Variants in PRKAR1B observed in about 807,000 individuals in gnomAD.
The protein encoded by PRKAR1B is protein kinase cAMP-dependent type I regulatory subunit beta.
In PRKAR1B, 22 loss-of-function variants were observed where a neutral mutation model predicts 46.5. The observed-to-expected ratio is 0.47, with a 90% CI of 0.34 to 0.68. PRKAR1B has a LOEUF of 0.68. Ranked by LOEUF, PRKAR1B falls within the 30% of genes least tolerant of loss-of-function variation. The probability of loss-of-function intolerance (pLI) is 0.01; values close to 1 mark genes in which losing one functional copy is unlikely to be tolerated. For missense variants in PRKAR1B, 445 were observed against 535.6 expected (o/e 0.83, Z 1.67); for synonymous variants, 259 against 217.7 (o/e 1.19, Z -1.67).
At chr7:680,334 G>A (rs1242488407) in intron 3 of PRKAR1B, among the ~76,000 whole-genome samples, 1 of 152,078 alleles carries the variant, frequency 6.6e-6, no homozygotes. Flanking sequence ...CCCACACAGA[G>A]CTGCTCCCAT....
At chr7:568,145 T>G (rs1177089089) in intron 9 of PRKAR1B, among the ~76,000 whole-genome samples, 1 of 152,152 alleles carries the variant, frequency 6.6e-6, no homozygotes, top group African/African-American at 2.4e-5. Context: ...CCTCACAGTC[T>G]CACCCATGCT....
intron 7 of PRKAR1B, among the ~76,000 whole-genome samples, chr7:595,706 C>G (rs1188702834): frequency 6.6e-6 from 1 of 152,178 alleles, no homozygotes; most frequent in Non-Finnish European, 1.5e-5. Flanking sequence ...CAGAGTAGAT[C>G]TGGCCACATA....
chr7:572,446 TG>T (rs1019319806), intron 9 of PRKAR1B, among the ~76,000 whole-genome samples: 1 of 151,942 alleles, frequency 6.6e-6, no homozygotes, highest in African/African-American at 2.4e-5. Context: ...TCTCGGGAGT[TG>T]GGGTTCCTGC....
chr7:719,844 T>C (rs556171577), intron 1 of PRKAR1B, among the ~76,000 whole-genome samples: 7 of 152,198 alleles, frequency 4.6e-5, no homozygotes, highest in South Asian at 2.1e-4. Context: ...TGTTACTTTA[T>C]GGATGTCATA....
At chr7:580,529 C>T (rs1473250727) in intron 8 of PRKAR1B, among the ~76,000 whole-genome samples, 1 of 152,170 alleles carries the variant, frequency 6.6e-6, no homozygotes, top group Non-Finnish European at 1.5e-5. Flanking sequence ...CATTAAGGCA[C>T]AGTATACGTT....
Position 690,057 on chromosome 7 carries a change from G to A in PRKAR1B, c.178-9331C>T, listed in dbSNP as rs1022637750. 2.6e-5 allele frequency among the ~76,000 whole-genome samples: 4 copies of A among 151,826 alleles called. No individual in the cohort carries two copies. The South Asian group carries it at 8.3e-4, about 32-fold the overall frequency. On this transcript the variant is annotated intron_variant, in intron 2 of 10. Transcript: ENST00000537384. ...CACGTCTGTAATCCCAGCACTTCGG[G>A]AGGCCAAGGCAGGAGGATCACTTGA...
chr7:635,264 C>T (rs1783980357), intron 4 of PRKAR1B, among the ~76,000 whole-genome samples: 1 of 152,238 alleles, frequency 6.6e-6, no homozygotes, highest in African/African-American at 2.4e-5. Context: ...CTGTGGGCCC[C>T]AAGGCCCAGC....
chr7:555,146 G>C (rs1426027031), intron 9 of PRKAR1B, among the ~76,000 whole-genome samples: 2 of 152,238 alleles, frequency 1.3e-5, no homozygotes, highest in African/African-American at 2.4e-5. Flanking sequence ...ATTGGCCAGA[G>C]AGGGTCTCAC....
chr7:597,156 AAAG>A (rs1781311756), intron 6 of PRKAR1B, among the ~76,000 whole-genome samples: 1 of 152,278 alleles, frequency 6.6e-6, no homozygotes, highest in Non-Finnish European at 1.5e-5. Flanking sequence ...CAATGAGCTT[AAAG>A]AATAGTTCCC....
intron 2 of PRKAR1B, among the ~76,000 whole-genome samples, chr7:693,355 C>G (rs1779545710): frequency 6.6e-6 from 1 of 152,004 alleles, no homozygotes; most frequent in South Asian, 2.1e-4. Flanking sequence ...CAACCACCAC[C>G]TCCATCCAGA....
At chr7:603,521 C>T (rs1781770888) in intron 6 of PRKAR1B, among the ~76,000 whole-genome samples, 1 of 152,188 alleles carries the variant, frequency 6.6e-6, no homozygotes, top group South Asian at 2.1e-4. Context: ...TCCTCCTCGT[C>T]ACAAGTGCCA....
At chr7:591,288 G>A (rs1780960734) in intron 7 of PRKAR1B, among the ~76,000 whole-genome samples, 1 of 152,256 alleles carries the variant, frequency 6.6e-6, no homozygotes, top group South Asian at 2.1e-4. Context: ...GGTGGGCACT[G>A]GGACCCCCAC....
At chr7:599,487 C>T (rs931842628) in intron 6 of PRKAR1B, among the ~76,000 whole-genome samples, 1 of 152,148 alleles carries the variant, frequency 6.6e-6, no homozygotes, top group African/African-American at 2.4e-5. Context: ...GGGGTTTCTC[C>T]ATGTTGGTCA....
chr7:674,621 A>C (rs1033599409), intron 4 of PRKAR1B, among the ~76,000 whole-genome samples: 1 of 151,198 alleles, frequency 6.6e-6, no homozygotes, highest in Non-Finnish European at 1.5e-5. Flanking sequence ...ACACCCAGCT[A>C]CTCCAGCAAC....
At chr7:613,852 C>T (rs1782660098) in intron 4 of PRKAR1B, among the ~76,000 whole-genome samples, 1 of 152,236 alleles carries the variant, frequency 6.6e-6, no homozygotes, top group South Asian at 2.1e-4. Flanking sequence ...AGAATGTTTC[C>T]AGAAACCCCT....
At chr7:552,725 C>T (rs888818585) in intron 9 of PRKAR1B, among the ~76,000 whole-genome samples, 3 of 152,340 alleles carry the variant, frequency 2.0e-5, no homozygotes, top group Middle Eastern at 3.4e-3. Flanking sequence ...GGAGGGGACG[C>T]GCTGGGACCT....
chr7:555,177 T>G (rs1778349834), intron 9 of PRKAR1B, among the ~76,000 whole-genome samples: 1 of 152,190 alleles, frequency 6.6e-6, no homozygotes, highest in Non-Finnish European at 1.5e-5. Context: ...AACCAGTTGC[T>G]GGGGAATATG....
Position 691,833 on chromosome 7 carries a change from A to C in PRKAR1B, c.178-11107T>G, listed in dbSNP as rs908427924. Reference sequence around the variant, plus strand: ...CCCCTGAACTCCCTGCCAAGTAAACACCTCATCACTCTCCGGTCACCATGA... The same window carrying C: ...CCCCTGAACTCCCTGCCAAGTAAACCCCTCATCACTCTCCGGTCACCATGA... On this transcript the variant is annotated intron_variant, in intron 2 of 10. Coordinates refer to ENST00000537384, the MANE Select transcript of PRKAR1B (RefSeq NM_001164760.2). The C allele has an allele frequency of 2.2e-5, 26 of 1,172,322 alleles. No homozygotes were observed. The Admixed American group carries it at 3.0e-4, about 14-fold the overall frequency. 72.6% of individuals were successfully genotyped at this position (1,172,322 alleles called of 1,614,324 possible).
intron 9 of PRKAR1B, among the ~76,000 whole-genome samples, chr7:569,988 TCCAGC>T (rs1217917288): frequency 2.0e-5 from 3 of 152,230 alleles, no homozygotes; most frequent in Non-Finnish European, 4.4e-5. Flanking sequence ...TTTCTTCCAG[TCCAGC>T]CCAGAAGGAA....
Sources: allele counts gnomAD v4.1 joint callset (sites outside exome capture counted in the v4.1 genomes callset), GRCh38; gene constraint gnomAD v4.1.1; transcripts MANE v1.5; gene names NCBI Gene and HGNC (gene_info 2026-07-23, HGNC 2026-07-21).